Variants in CDH8 observed in about 807,000 individuals in gnomAD.
CDH8 encodes cadherin-8.
In CDH8, 17 loss-of-function variants were observed where a neutral mutation model predicts 68.1. That is an observed-to-expected ratio of 0.25 (90% CI 0.17 to 0.37). The LOEUF (loss-of-function observed/expected upper bound fraction) is 0.37, where lower values mean the gene tolerates loss of function less well. CDH8 is among the 10% of genes least tolerant of loss of function. The pLI is 1.00. For missense variants in CDH8, 763 were observed against 999.3 expected, an observed-to-expected ratio of 0.76 and a Z score of 3.19; for synonymous variants, 372 against 365.1, an observed-to-expected ratio of 1.02 and a Z score of -0.21.
Position 61,918,944 on chromosome 16 carries a change from T to C in CDH8, c.253-17471A>G, listed in dbSNP as rs952739537. The stretch of plus-strand genomic sequence containing the variant: ...TGACAGCTTTGAAGAGAGCAGTGGT[T>C]CTCCCAGCACGCAGCTGGAGATCTG... On this transcript the variant is annotated intron_variant, in intron 2 of 11. Transcript: ENST00000577390. Among the ~76,000 whole-genome samples, 9 of 148,424 alleles carry C rather than the reference T, an allele frequency of 6.1e-5. No individual in the cohort carries two copies. The South Asian group carries it at 1.1e-3, about 18-fold the overall frequency.
intron 2 of CDH8, among the ~76,000 whole-genome samples, chr16:61,949,532 G>C (rs547405011): frequency 6.6e-6 from 1 of 152,080 alleles, no homozygotes; most frequent in South Asian, 2.1e-4. Context: ...CTCACTCTTT[G>C]GGTCCACACC....
chr16:61,782,518 G>C (rs1372312460), intron 8 of CDH8, among the ~76,000 whole-genome samples: 1 of 152,032 alleles, frequency 6.6e-6, no homozygotes, highest in African/African-American at 2.4e-5. Flanking sequence ...GGGGAGGGGC[G>C]CCCGCCATTG....
At chr16:61,978,859 T>C (rs144824384) in intron 2 of CDH8, among the ~76,000 whole-genome samples, 5 of 152,148 alleles carry the variant, frequency 3.3e-5, no homozygotes, top group African/African-American at 1.2e-4. Flanking sequence ...GTAACACACA[T>C]GCTGTTTTTG....
chr16:61,708,712 A>G (rs1476240807), intron 10 of CDH8, among the ~76,000 whole-genome samples: 1 of 152,238 alleles, frequency 6.6e-6, no homozygotes, highest in East Asian at 1.9e-4. Context: ...TCAACAGCAC[A>G]TTGCTGGAAG....
At chr16:61,803,742 G>C in intron 7 of CDH8, among the ~76,000 whole-genome samples, 1 of 145,316 alleles carries the variant, frequency 6.9e-6, no homozygotes, top group East Asian at 2.0e-4. Context: ...TAATGGTAAA[G>C]GGATCAATTC....
intron 10 of CDH8, among the ~76,000 whole-genome samples, chr16:61,668,491 T>C (rs1325998112): frequency 6.6e-6 from 1 of 152,096 alleles, no homozygotes; most frequent in Non-Finnish European, 1.5e-5. Context: ...ATCTGAGGAA[T>C]GCTTGCATTA....
At chr16:61,668,409 A>G (rs1244040984) in intron 10 of CDH8, among the ~76,000 whole-genome samples, 1 of 151,970 alleles carries the variant, frequency 6.6e-6, no homozygotes, top group Non-Finnish European at 1.5e-5. Context: ...CTTAATGCTC[A>G]GAGGAAAGGC....
At chr16:61,863,828 A>C (rs989234539) in intron 3 of CDH8, among the ~76,000 whole-genome samples, 2 of 152,196 alleles carry the variant, frequency 1.3e-5, no homozygotes, top group African/African-American at 4.8e-5. Context: ...TGCAGTATGT[A>C]CAATCCACAG....
At chr16:61,876,540 A>T (rs1311650493) in intron 3 of CDH8, among the ~76,000 whole-genome samples, 1 of 152,078 alleles carries the variant, frequency 6.6e-6, no homozygotes, top group Non-Finnish European at 1.5e-5. Flanking sequence ...TATCCTTGGA[A>T]ACTAGGTCTA....
intron 9 of CDH8, among the ~76,000 whole-genome samples, chr16:61,720,712 C>A (rs548768803): frequency 6.6e-6 from 1 of 150,766 alleles, no homozygotes; most frequent in South Asian, 2.1e-4. Flanking sequence ...CTTTCTTTCA[C>A]CCTTGACAAA....
At chr16:61,971,018 T>A (rs1965330612) in intron 2 of CDH8, among the ~76,000 whole-genome samples, 1 of 152,124 alleles carries the variant, frequency 6.6e-6, no homozygotes, top group Non-Finnish European at 1.5e-5. Flanking sequence ...AGAAGGTACT[T>A]TGTAATCTCC....
chr16:61,750,846 T>C (rs141578136), intron 8 of CDH8, among the ~76,000 whole-genome samples: 333 of 152,184 alleles, frequency 2.2e-3, no homozygotes, highest in African/African-American at 7.9e-3. Flanking sequence ...TTCATAGCTA[T>C]ATGAGAATAA....
intron 8 of CDH8, among the ~76,000 whole-genome samples, chr16:61,761,854 G>A (rs542303022): frequency 6.6e-6 from 1 of 152,128 alleles, no homozygotes; most frequent in East Asian, 1.9e-4. Flanking sequence ...AATAAAACTA[G>A]CTGGGTGTGG....
chr16:61,697,084 ACC>A (rs1964340181), intron 10 of CDH8, among the ~76,000 whole-genome samples: 1 of 152,162 alleles, frequency 6.6e-6, no homozygotes, highest in Non-Finnish European at 1.5e-5. Flanking sequence ...AATCCTCTGA[ACC>A]TAAAATAAAG....
intron 8 of CDH8, among the ~76,000 whole-genome samples, chr16:61,764,335 T>A (rs963580430): frequency 6.6e-6 from 1 of 152,176 alleles, no homozygotes; most frequent in South Asian, 2.1e-4. Context: ...CAGAAGGAGT[T>A]AGCTGAGAAA....
rs193068265 is a variant in CDH8 at position 62,008,742 on chromosome 16, G to A, written c.252+12410C>T. 1.3e-3 allele frequency among the ~76,000 whole-genome samples: 196 copies of A among 152,260 alleles called. 4 individuals carry two copies. The highest frequency in any genetic ancestry group is 6.5e-4 in the Admixed American group (10 of 15,288). ...ACTAAGACCTTTCTTTACAGTAAGA[G>A]TTTAATGACAGGAAAAACAGAAGAG... On this transcript the variant is annotated intron_variant, in intron 2 of 11. Transcript: ENST00000577390.
At chr16:61,995,684 A>T in intron 2 of CDH8, among the ~76,000 whole-genome samples, 1 of 152,224 alleles carries the variant, frequency 6.6e-6, no homozygotes, top group East Asian at 1.9e-4. Flanking sequence ...GCCTACTTTT[A>T]CTTTTTATGT....
At chr16:61,856,288 C>G (rs917696504) in intron 4 of CDH8, among the ~76,000 whole-genome samples, 1 of 151,958 alleles carries the variant, frequency 6.6e-6, no homozygotes, top group South Asian at 2.1e-4. Flanking sequence ...AAAAAAATTG[C>G]TTTTTAAACA....
At chr16:61,784,544 C>T (rs1201826164) in intron 8 of CDH8, among the ~76,000 whole-genome samples, 2 of 143,716 alleles carry the variant, frequency 1.4e-5, no homozygotes, top group Non-Finnish European at 3.0e-5. Context: ...AGAAAGTCAA[C>T]AAGGATACCC....
Sources: allele counts gnomAD v4.1 joint callset (sites outside exome capture counted in the v4.1 genomes callset), GRCh38; gene constraint gnomAD v4.1.1; transcripts MANE v1.5; gene names NCBI Gene and HGNC (gene_info 2026-07-23, HGNC 2026-07-21).